RBM33: variants seen among roughly 807,000 people sequenced by gnomAD.
The protein encoded by RBM33 is RNA-binding protein 33.
RBM33 carries 28 observed loss-of-function variants against 132.6 expected under a neutral mutation model. The observed-to-expected ratio is 0.21, with a 90% CI of 0.16 to 0.29. The LOEUF is 0.29. RBM33 is among the 10% of genes least tolerant of loss of function. RBM33 has a pLI of 1.00. For missense variants in RBM33, 1,291 were observed against 1,518.5 expected, an observed-to-expected ratio of 0.85 and a Z score of 2.49; for synonymous variants, 634 against 593.0, an observed-to-expected ratio of 1.07 and a Z score of -1.01.
intron 9 of RBM33, among the ~76,000 whole-genome samples, chr7:155,724,054 C>T (rs1485885994): frequency 6.6e-5 from 10 of 152,150 alleles, no homozygotes. Flanking sequence ...AAATGTTGGA[C>T]ACAGTTTAAA....
In RBM33 at chr7:155,763,939, A is replaced by C; in HGVS notation, c.3107A>C (p.His1036Pro). Residue 1036 changes from histidine (H) to proline (P), a missense_variant, in exon 15 of 18, where the codon CAT (histidine) becomes CCT (proline). His to Pro is a moderately conservative substitution (Grantham distance 77). This residue lies in a region of RBM33 where 841 missense variants were observed against 912.0 expected (regional missense o/e 0.92). Transcript: ENST00000401878. ...AGGGGGGGCCTCCAGCAGCCCCCAC[A>C]TCTGCCAGCGGGGCCCCACGCACAC... The part of the protein sequence containing the change: ...LTRGGLQQPP[H>P]LPAGPHAHSP... 2 of 1,602,206 alleles carry C rather than the reference A, an allele frequency of 1.2e-6. No homozygotes were observed. Among genetic ancestry groups the C allele is most frequent in the Non-Finnish European group, 1.7e-6 (2 of 1,174,622 alleles).
rs1801263228 is a variant in RBM33, at chr7:155,739,825, GCCCCAGCACCAGCCCCCA to G, written c.1859_1876del (p.Gln620_His625del). 6.1e-5 allele frequency: 10 copies of G among 164,390 alleles called. No individual in the cohort carries two copies. The highest frequency in any genetic ancestry group is 4.5e-4 in the Admixed American group (3 of 6,734). The allele number at this position is 164,390 out of a possible 1,614,324, so 10.2% of individuals were successfully genotyped here. On this transcript the variant is annotated inframe_deletion, in exon 12 of 18. Transcript: ENST00000401878. Reference sequence around the variant, plus strand: ...CGCACCAGCCCCCGCACCAGCCCCCGCCCCAGCACCAGCCCCCACCCCAGCACCCACCACAGCACCCGC... The same window carrying G: ...CGCACCAGCCCCCGCACCAGCCCCCGCCCCAGCACCCACCACAGCACCCGC...
intron 5 of RBM33, among the ~76,000 whole-genome samples, chr7:155,693,905 T>C (rs942001499): frequency 4.6e-5 from 7 of 152,218 alleles, no homozygotes; most frequent in Admixed American, 1.3e-4. Flanking sequence ...AAATAAACTG[T>C]GTAGTCCTCA....
chr7:155,725,179 A>G (rs1385956808), intron 9 of RBM33, among the ~76,000 whole-genome samples: 2 of 116,900 alleles, frequency 1.7e-5, no homozygotes, highest in Non-Finnish European at 3.8e-5. Flanking sequence ...TTCCTTTTTT[A>G]GTTGGTTCTT....
intron 5 of RBM33, among the ~76,000 whole-genome samples, chr7:155,686,503 A>G (rs1799482161): frequency 6.6e-6 from 1 of 151,344 alleles, no homozygotes; most frequent in Non-Finnish European, 1.5e-5. Flanking sequence ...ATTATATTTT[A>G]AGTTCTAGGG....
At chr7:155,685,714 T>C (rs1161571612) in intron 5 of RBM33, among the ~76,000 whole-genome samples, 7 of 152,208 alleles carry the variant, frequency 4.6e-5, no homozygotes, top group Non-Finnish European at 1.0e-4. Context: ...AGTTAAATAG[T>C]TGCTGTTCTC....
intron 5 of RBM33, among the ~76,000 whole-genome samples, chr7:155,698,833 C>T (rs1799875365): frequency 6.6e-6 from 1 of 152,160 alleles, no homozygotes; most frequent in Non-Finnish European, 1.5e-5. Flanking sequence ...GGTTTTATCC[C>T]TGTTATGTCA....
At chr7:155,743,287 A>T (rs1328153973) in intron 13 of RBM33, among the ~76,000 whole-genome samples, 3 of 152,254 alleles carry the variant, frequency 2.0e-5, no homozygotes. Flanking sequence ...TCTAGTGTAT[A>T]TAGCCAGCTC....
At chr7:155,766,861 T>C (rs1802238953) in intron 16 of RBM33, 2 of 592,440 alleles carry the variant, frequency 3.4e-6, no homozygotes, top group Admixed American at 3.3e-5. Context: ...TTCTTAGTTA[T>C]AAATTTTAAG....
intron 5 of RBM33, among the ~76,000 whole-genome samples, chr7:155,686,063 C>T (rs1174136403): frequency 2.0e-5 from 3 of 152,186 alleles, no homozygotes; most frequent in Non-Finnish European, 4.4e-5. Flanking sequence ...TGTGTGTGTG[C>T]TTTCTTCTCT....
At chr7:155,689,489 C>A (rs1421860206) in intron 5 of RBM33, among the ~76,000 whole-genome samples, 1 of 152,114 alleles carries the variant, frequency 6.6e-6, no homozygotes, top group East Asian at 1.9e-4. Context: ...CTGCTCTGAT[C>A]TTAGTTATTT....
intron 12 of RBM33, 116 bp from the exon 13 acceptor site, chr7:155,741,703 A>C: frequency 1.0e-6 from 1 of 995,770 alleles, no homozygotes; most frequent in African/African-American, 1.6e-5. Context: ...GCTCCCCAAA[A>C]GAAGTCATTT....
intron 5 of RBM33, among the ~76,000 whole-genome samples, chr7:155,683,304 A>T (rs1585433369): frequency 6.6e-6 from 1 of 152,358 alleles, no homozygotes; most frequent in East Asian, 1.9e-4. Context: ...GGAGGCTGTC[A>T]CTGAAGCCCA....
At chr7:155,686,879 T>C (rs1210083309) in intron 5 of RBM33, among the ~76,000 whole-genome samples, 3 of 152,254 alleles carry the variant, frequency 2.0e-5, no homozygotes, top group Non-Finnish European at 4.4e-5. Context: ...CAGTCTATCA[T>C]TGATGGACAT....
chr7:155,679,178 AAAAAAAC>A (rs1309236958), intron 4 of RBM33, among the ~76,000 whole-genome samples: 2 of 151,896 alleles, frequency 1.3e-5, no homozygotes, highest in Admixed American at 1.3e-4. Flanking sequence ...TCTTAAAAAA[AAAAAAAC>A]AAAAAACAAA....
intron 8 of RBM33, among the ~76,000 whole-genome samples, chr7:155,715,082 G>A (rs951844549): frequency 1.3e-5 from 2 of 152,152 alleles, no homozygotes; most frequent in Admixed American, 1.3e-4. Context: ...ACCCTGGTTA[G>A]CATCGCTCAT....
At chr7:155,644,962 G>C (rs1041540075) in intron 1 of RBM33, 43 bp downstream of exon 1, 1 of 1,433,274 alleles carries the variant, frequency 7.0e-7, no homozygotes, top group East Asian at 3.0e-5. Flanking sequence ...ACCGCGCCGC[G>C]GTGGGCGGGG....
intron 3 of RBM33, among the ~76,000 whole-genome samples, chr7:155,678,026 T>C (rs2081371481): frequency 4.6e-5 from 7 of 152,200 alleles, no homozygotes; most frequent in Admixed American, 4.6e-4. Flanking sequence ...CTGGAACTCT[T>C]GACAGAATAG....
chr7:155,722,625 T>C (rs1021430595), intron 9 of RBM33, among the ~76,000 whole-genome samples: 2 of 152,214 alleles, frequency 1.3e-5, no homozygotes, highest in African/African-American at 4.8e-5. Flanking sequence ...CAGAGAGTTT[T>C]TTGTTTTTAA....
Sources: gnomAD v4.1 joint callset for allele counts (sites outside exome capture counted in the v4.1 genomes callset) on GRCh38, gnomAD v4.1.1 for gene constraint, gnomAD v4.1.1 regional missense constraint, MANE v1.5 for transcripts, NCBI Gene and HGNC (gene_info 2026-07-23, HGNC 2026-07-21) for gene names.